P2RX7: variants seen among roughly 807,000 people sequenced by gnomAD.
P2RX7 encodes P2X purinoceptor 7.
P2RX7 carries 62 observed loss-of-function variants against 71.6 expected under a neutral mutation model. The observed-to-expected ratio is 0.87, with a 90% CI of 0.71 to 1.07. P2RX7 has a LOEUF of 1.07. Among genes scored for constraint, P2RX7 ranks in the 50% least tolerant of loss-of-function variants. P2RX7 has a pLI of 0.00. For synonymous variants in P2RX7, 299 were observed against 283.3 expected, an observed-to-expected ratio of 1.06 and a Z score of -0.56; for missense variants, 686 against 748.5, an observed-to-expected ratio of 0.92 and a Z score of 0.97.
chr12:121,155,363 G>A (rs1013511246), intron 2 of P2RX7: 9 of 1,294,836 alleles, frequency 7.0e-6, no homozygotes, highest in Non-Finnish European at 9.1e-6. Context: ...GACTCCAGGA[G>A]ACCATTCTTG....
chr12:121,136,647 C>CTTTTTTTTTTTT (rs66894143), intron 1 of P2RX7, among the ~76,000 whole-genome samples: 5 of 119,248 alleles, frequency 4.2e-5, no homozygotes, highest in Non-Finnish European at 5.1e-5. Flanking sequence ...TTCTTTCTTT[C>CTTTTTTTTTTTT]TTTTTTTTTT....
intron 1 of P2RX7, among the ~76,000 whole-genome samples, chr12:121,150,063 A>G (rs1045445268): frequency 6.6e-6 from 1 of 152,178 alleles, no homozygotes; most frequent in Admixed American, 6.5e-5. Flanking sequence ...GAGGGGTGAC[A>G]TGGCTCACCT....
At chr12:121,137,914 T>C (rs1299522263) in intron 1 of P2RX7, among the ~76,000 whole-genome samples, 1 of 152,036 alleles carries the variant, frequency 6.6e-6, no homozygotes, top group Admixed American at 6.6e-5. Flanking sequence ...TTATTGAAAA[T>C]GGGATACAAA....
At position 121,166,053 on chromosome 12, in the gene P2RX7, C is replaced by G. The variant is rs208307; in HGVS notation, c.615-5C>G. ...GTTTGTTTGTTTGCTTTTAATTATG[C>G]ACAGGAGAAACATCCTGCCAGGTTT... On this transcript the variant is annotated splice_region_variant and splice_polypyrimidine_tract_variant and intron_variant, in intron 6 of 12. Transcript: ENST00000328963. The G allele has an allele frequency of 0.3, 482,583 of 1,594,786 alleles. 76,641 individuals carry two copies. The highest frequency in any genetic ancestry group is 0.34 in the South Asian group (30,765 of 90,506).
intron 11 of P2RX7, among the ~76,000 whole-genome samples, chr12:121,179,330 C>T (rs927696102): frequency 6.6e-6 from 1 of 151,994 alleles, no homozygotes. Flanking sequence ...GAAACCCCGT[C>T]TCTACTAAAA....
At position 121,153,542 on chromosome 12, in the gene P2RX7, G is replaced by A. The variant is rs531272788; in HGVS notation, c.126-1243G>A. On this transcript the variant is annotated intron_variant, in intron 1 of 12. Transcript: ENST00000328963. Reference sequence around the variant, plus strand: ...AAAATACAAAAATTAGCAAAGTGTGGTGGTACGCGCCTGTAATCCCAGCTA... The same window carrying A: ...AAAATACAAAAATTAGCAAAGTGTGATGGTACGCGCCTGTAATCCCAGCTA... 1.1e-3 allele frequency among the ~76,000 whole-genome samples: 171 copies of A among 152,250 alleles called. 2 individuals are homozygous for A. Among genetic ancestry groups the A allele is most frequent in the Non-Finnish European group, 7.3e-5 (5 of 68,030 alleles).
rs201308543 is a variant in P2RX7 at position 121,132,934 on chromosome 12, T to C, written c.-37T>C. The C allele has an allele frequency of 8.4e-5, 135 of 1,612,078 alleles. No homozygotes were observed. The East Asian group carries it at 2.8e-3, about 33-fold the overall frequency. ...GTGGCCCTGTCAGGAAGAGTAGAGC[T>C]CTGGTCCAGCTCCGCGCAGGGAGGG... On this transcript the variant is annotated 5_prime_UTR_variant, in exon 1 of 13. Coordinates refer to ENST00000328963, the MANE Select transcript of P2RX7 (RefSeq NM_002562.6).
intron 8 of P2RX7, among the ~76,000 whole-genome samples, chr12:121,174,079 G>GCTC (rs2085295482): frequency 1.0e-5 from 1 of 98,688 alleles, no homozygotes; most frequent in East Asian, 2.8e-4. Flanking sequence ...AGACAGTCTT[G>GCTC]CTCTGTCACC....
chr12:121,143,182 G>A (rs35646440), intron 1 of P2RX7, among the ~76,000 whole-genome samples: 17,086 of 143,180 alleles, frequency 0.12, 1,358 homozygotes, highest in African/African-American at 0.23. Flanking sequence ...GAGTTCATTC[G>A]AGACCAGCCT....
chr12:121,184,580 C>A lies in P2RX7; in HGVS notation c.1566C>A (p.Val522=). 1 of 1,614,132 alleles carries A rather than the reference C, an allele frequency of 6.2e-7. No homozygotes were observed. Among genetic ancestry groups the A allele is most frequent in the Non-Finnish European group, 8.5e-7 (1 of 1,180,014 alleles). The part of the protein sequence containing the change: ...LFRKLVLSRH[V]LQFLLLYQEP... ...GGAAGCTGGTCCTGTCCAGACACGTCCTGCAGTTCCTCCTGCTCTACCAGG... is the reference window on the plus strand; with the variant it reads ...GGAAGCTGGTCCTGTCCAGACACGTACTGCAGTTCCTCCTGCTCTACCAGG... Residue 522 remains valine, a synonymous_variant, in exon 13 of 13, where the codon GTC becomes GTA. Transcript: ENST00000328963.
Position 121,133,110 on chromosome 12 carries a change from G to A in P2RX7, c.125+15G>A. On this transcript the variant is annotated intron_variant, in intron 1 of 12. Coordinates refer to ENST00000328963, the MANE Select transcript of P2RX7 (RefSeq NM_002562.6). ...TCCTACGTTTGGTAAGTGGGATCTGGGGAGGACCCAGATCTCTGCAGTGGC... is the reference window on the plus strand; with the variant it reads ...TCCTACGTTTGGTAAGTGGGATCTGAGGAGGACCCAGATCTCTGCAGTGGC... 6.2e-7 allele frequency: 1 copy of A among 1,614,026 alleles called. No homozygotes were observed. The highest frequency in any genetic ancestry group is 8.5e-7 in the Non-Finnish European group (1 of 1,179,960).
rs1375926121 is a variant in P2RX7, at chr12:121,187,948, T to G, written c.*3146T>G. On this transcript the variant is annotated 3_prime_UTR_variant, in exon 13 of 13. Coordinates refer to ENST00000328963, the MANE Select transcript of P2RX7 (RefSeq NM_002562.6). ...TTTCTCTTTCTAAAGGGGAGTAACT[T>G]TTTAAACCCTTCCTGATTTTAGCCT... 6.6e-6 allele frequency: 1 copy of G among 152,158 alleles called. No individual in the cohort carries two copies. The highest frequency in any genetic ancestry group is 2.4e-5 in the African/African-American group (1 of 41,434). 9.4% of individuals were successfully genotyped at this position (152,158 alleles called of 1,614,324 possible). A position where few individuals can be genotyped will look rare whatever the true frequency, so the allele number is the denominator to read the frequency against.
chr12:121,150,092 G>A (rs980407906), intron 1 of P2RX7, among the ~76,000 whole-genome samples: 4 of 152,150 alleles, frequency 2.6e-5, no homozygotes, highest in Non-Finnish European at 4.4e-5. Context: ...AAGCAAGGTC[G>A]GGAGAGTATT....
At chr12:121,134,465 C>T (rs1282778797) in intron 1 of P2RX7, among the ~76,000 whole-genome samples, 1 of 152,174 alleles carries the variant, frequency 6.6e-6, no homozygotes, top group Non-Finnish European at 1.5e-5. Flanking sequence ...AATCTTGGCT[C>T]ACTGCAACCT....
chr12:121,163,327 TACACACAC>T (rs113687409), intron 5 of P2RX7, among the ~76,000 whole-genome samples: 53 of 145,306 alleles, frequency 3.6e-4, no homozygotes, highest in Admixed American at 7.6e-4. Flanking sequence ...ATGCCTGGCT[TACACACAC>T]ACACACACAC....
chr12:121,168,429 C>A (rs1194536035), intron 8 of P2RX7, among the ~76,000 whole-genome samples: 1 of 151,966 alleles, frequency 6.6e-6, no homozygotes, highest in Non-Finnish European at 1.5e-5. Flanking sequence ...CCACCACACC[C>A]AGCTAATTTT....
intron 8 of P2RX7, among the ~76,000 whole-genome samples, chr12:121,170,383 A>G (rs1881940666): frequency 6.6e-6 from 1 of 152,188 alleles, no homozygotes; most frequent in Non-Finnish European, 1.5e-5. Flanking sequence ...GAGCCCTCTG[A>G]AGGCCTCAGC....
At chr12:121,176,751 C>CAAAA (rs34853051) in intron 9 of P2RX7, among the ~76,000 whole-genome samples, 6 of 68,720 alleles carry the variant, frequency 8.7e-5, no homozygotes, top group East Asian at 4.9e-4. Flanking sequence ...GACTCTGTCT[C>CAAAA]AAAAAAAAAA....
chr12:121,162,298 G>A (rs1178106203), intron 4 of P2RX7, 126 bp from the exon 5 acceptor site: 9 of 1,459,230 alleles, frequency 6.2e-6, no homozygotes, highest in East Asian at 2.5e-5. Flanking sequence ...CTGAAGCTGC[G>A]TGGGTTGGAA....
Sources: gnomAD v4.1 joint callset for allele counts (sites outside exome capture counted in the v4.1 genomes callset) on GRCh38, gnomAD v4.1.1 for gene constraint, MANE v1.5 for transcripts, NCBI Gene and HGNC (gene_info 2026-07-23, HGNC 2026-07-21) for gene names.